EPB41L4A: variants seen among roughly 807,000 people sequenced by gnomAD.
EPB41L4A encodes band 4.1-like protein 4A.
EPB41L4A carries 100 observed loss-of-function variants against 108.6 expected under a neutral mutation model. The ratio of observed to expected loss-of-function variants is 0.92; its 90% CI spans 0.78 to 1.09. The LOEUF (loss-of-function observed/expected upper bound fraction) is 1.09. EPB41L4A is among the 50% of genes least tolerant of loss of function. The pLI is 0.00. For synonymous variants in EPB41L4A, 319 were observed against 289.0 expected (o/e 1.10, Z -1.05); for missense variants, 1,030 against 842.7 (o/e 1.22, Z -2.75).
At chr5:112,345,306 T>C (rs1175168045) in intron 1 of EPB41L4A, among the ~76,000 whole-genome samples, 1 of 152,198 alleles carries the variant, frequency 6.6e-6, no homozygotes, top group Non-Finnish European at 1.5e-5. Flanking sequence ...AACCTAAATA[T>C]GAAATAATAG....
rs1048071493 is a variant in EPB41L4A at position 112,299,842 on chromosome 5, G to A, written c.204+7544C>T. ...TTGTTTTACAAATTTGGGAACTCCC[G>A]TGTTAAGTGCATATATATTTGGGAC... is the stretch of plus-strand genomic sequence containing the variant. On this transcript the variant is annotated intron_variant, in intron 2 of 22. Coordinates refer to ENST00000261486, the MANE Select transcript of EPB41L4A (RefSeq NM_022140.5). 6.6e-5 allele frequency among the ~76,000 whole-genome samples: 10 copies of A among 152,150 alleles called. 1 individual carries two copies. Among genetic ancestry groups the A allele is most frequent in the Non-Finnish European group, 1.5e-4 (10 of 68,030 alleles).
chr5:112,235,064 T>C (rs1457724763), intron 11 of EPB41L4A, among the ~76,000 whole-genome samples: 1 of 152,190 alleles, frequency 6.6e-6, no homozygotes, highest in Non-Finnish European at 1.5e-5. Context: ...TTAAGGTCAC[T>C]AAATAATAAA....
chr5:112,222,028 C>A (rs1226562521), intron 12 of EPB41L4A, among the ~76,000 whole-genome samples: 1 of 152,210 alleles, frequency 6.6e-6, no homozygotes, highest in Admixed American at 6.5e-5. Flanking sequence ...TATGGTCTAC[C>A]TAATGCTCCT....
intron 12 of EPB41L4A, among the ~76,000 whole-genome samples, chr5:112,210,643 C>A (rs975219656): frequency 6.6e-6 from 1 of 151,980 alleles, no homozygotes; most frequent in Non-Finnish European, 1.5e-5. Flanking sequence ...AAGTCATGAT[C>A]GAAATAAAGA....
chr5:112,182,427 G>C (rs1276911631), intron 18 of EPB41L4A, among the ~76,000 whole-genome samples: 6 of 151,830 alleles, frequency 4.0e-5, no homozygotes, highest in Admixed American at 2.6e-4. Context: ...ACAAATGAAT[G>C]GTTCCATTTA....
At position 112,163,658 on chromosome 5, in the gene EPB41L4A, G is replaced by C. The variant is rs527886607; in HGVS notation, c.*1332C>G. The C allele has an allele frequency of 6.6e-6, 1 of 152,178 alleles. No individual in the cohort carries two copies. Among genetic ancestry groups the C allele is most frequent in the Non-Finnish European group, 1.5e-5 (1 of 68,040 alleles). 9.4% of individuals were successfully genotyped at this position (152,178 alleles called of 1,614,324 possible). A position where few individuals can be genotyped will look rare whatever the true frequency, so the allele number is the denominator to read the frequency against. On this transcript the variant is annotated 3_prime_UTR_variant, in exon 23 of 23. Coordinates refer to ENST00000261486, the MANE Select transcript of EPB41L4A (RefSeq NM_022140.5). Reference sequence around the variant, plus strand: ...TCCATGTTAGAGATAGCTTAAGATAGGGATTAGATGAATTGAGGGCAATGA... The same window carrying C: ...TCCATGTTAGAGATAGCTTAAGATACGGATTAGATGAATTGAGGGCAATGA...
At chr5:112,385,406 A>G (rs921590501) in intron 1 of EPB41L4A, among the ~76,000 whole-genome samples, 22 of 151,966 alleles carry the variant, frequency 1.4e-4, no homozygotes, top group African/African-American at 5.3e-4. Flanking sequence ...AATCAACACT[A>G]GGCAACCATT....
intron 1 of EPB41L4A, among the ~76,000 whole-genome samples, chr5:112,383,489 A>T (rs1385987511): frequency 2.0e-5 from 3 of 152,222 alleles, no homozygotes; most frequent in Non-Finnish European, 4.4e-5. Context: ...GCAAAAGCTA[A>T]ATCTGGAGTT....
chr5:112,242,219 C>A (rs1212402612), intron 9 of EPB41L4A, among the ~76,000 whole-genome samples: 1 of 152,196 alleles, frequency 6.6e-6, no homozygotes, highest in East Asian at 1.9e-4. Flanking sequence ...CACAGTAGAA[C>A]TTCTTTCAAA....
intron 1 of EPB41L4A, among the ~76,000 whole-genome samples, chr5:112,330,380 T>C (rs1400920285): frequency 6.6e-6 from 1 of 152,164 alleles, no homozygotes; most frequent in Non-Finnish European, 1.5e-5. Flanking sequence ...AACTGAAAGA[T>C]GACAATAGGA....
intron 1 of EPB41L4A, among the ~76,000 whole-genome samples, chr5:112,390,383 C>G (rs921748781): frequency 6.6e-6 from 1 of 152,166 alleles, no homozygotes; most frequent in Admixed American, 6.5e-5. Flanking sequence ...AACAGAACAC[C>G]AGGAGATTAC....
In EPB41L4A at chr5:112,239,742, T is replaced by A. The variant is rs2150379229; in HGVS notation, c.888-5A>T. ...TTGGATTCATTTTCTGGCATTCTAA[T>A]CAATTTTTAAAAGAAAATCAGACAA... is the stretch of plus-strand genomic sequence containing the variant. On this transcript the variant is annotated splice_region_variant and splice_polypyrimidine_tract_variant and intron_variant, in intron 10 of 22. Transcript: ENST00000261486. The A allele has an allele frequency of 6.2e-7, 1 of 1,601,142 alleles. No homozygotes were observed. The highest frequency in any genetic ancestry group is 1.7e-5 in the Admixed American group (1 of 58,672).
intron 1 of EPB41L4A, among the ~76,000 whole-genome samples, chr5:112,399,028 T>A (rs768014291): frequency 3.3e-5 from 5 of 152,004 alleles, no homozygotes; most frequent in Non-Finnish European, 5.9e-5. Context: ...CCAGTAAATG[T>A]ACACTGTGAG....
chr5:112,212,266 T>C (rs1762778971), intron 12 of EPB41L4A, among the ~76,000 whole-genome samples: 1 of 151,056 alleles, frequency 6.6e-6, no homozygotes, highest in South Asian at 2.1e-4. Flanking sequence ...TCCTAGACAG[T>C]AGGTGTGCCC....
At chr5:112,301,162 T>C (rs543378755) in intron 2 of EPB41L4A, among the ~76,000 whole-genome samples, 3 of 152,274 alleles carry the variant, frequency 2.0e-5, no homozygotes, top group Admixed American at 6.5e-5. Context: ...TCAGGGACTT[T>C]TTCTCGGTTT....
chr5:112,354,256 G>T (rs771298553), intron 1 of EPB41L4A, among the ~76,000 whole-genome samples: 13 of 152,166 alleles, frequency 8.5e-5, no homozygotes, highest in Non-Finnish European at 1.8e-4. Context: ...GAGTTGCTAA[G>T]GCTTATGACA....
At chr5:112,142,345 T>TAAGCACCATTTAAGA (rs1759100023), downstream of EPB41L4A, 1 of 152,222 alleles carries the variant, frequency 6.6e-6, no homozygotes, top group Non-Finnish European at 1.5e-5. Context: ...CAAGTTCCTG[T>TAAGCACCATTTAAGA]AAGCACCATT....
intron 1 of EPB41L4A, among the ~76,000 whole-genome samples, chr5:112,353,404 G>GAC (rs1183102637): frequency 2.6e-5 from 4 of 152,166 alleles, no homozygotes; most frequent in Non-Finnish European, 5.9e-5. Flanking sequence ...CAGCGTGCAT[G>GAC]ACATGGACAA....
intron 1 of EPB41L4A, among the ~76,000 whole-genome samples, chr5:112,400,295 C>T (rs1761657194): frequency 6.6e-6 from 1 of 152,202 alleles, no homozygotes; most frequent in Admixed American, 6.5e-5. Context: ...ATTCAATCAC[C>T]TCCTACCAGG....
Sources: allele counts gnomAD v4.1 joint callset (sites outside exome capture counted in the v4.1 genomes callset), GRCh38; gene constraint gnomAD v4.1.1; transcripts MANE v1.5; gene names NCBI Gene and HGNC (gene_info 2026-07-23, HGNC 2026-07-21).